ANKRD6: variants seen among roughly 807,000 people sequenced by gnomAD.
ANKRD6 encodes ankyrin repeat domain 6, also known as ankyrin repeat domain-containing protein 6.
Under a neutral mutation model 82.3 loss-of-function variants are expected in ANKRD6, and 56 were observed. The observed-to-expected ratio is 0.68, with a 90% confidence interval of 0.55 to 0.85. ANKRD6 has a LOEUF of 0.85. Among genes scored for constraint, ANKRD6 ranks in the 40% least tolerant of loss-of-function variants. ANKRD6 has a pLI of 0.00. For synonymous variants in ANKRD6, 347 were observed against 352.1 expected (o/e 0.99, Z 0.16); for missense variants, 852 against 907.6 (o/e 0.94, Z 0.79).
At chr6:89,471,036 C>A (rs1406440465) in intron 1 of ANKRD6, among the ~76,000 whole-genome samples, 1 of 151,908 alleles carries the variant, frequency 6.6e-6, no homozygotes, top group African/African-American at 2.4e-5. Flanking sequence ...TAAGTTAACG[C>A]CTGTGTGTGT....
intron 1 of ANKRD6, among the ~76,000 whole-genome samples, chr6:89,505,621 TAGAGTGTGGTTAC>T (rs939804547): frequency 2.0e-5 from 3 of 152,238 alleles, no homozygotes; most frequent in Non-Finnish European, 2.9e-5. Flanking sequence ...AGAGTGGCCC[TAGAGTGTGGTTAC>T]AGAAAACCCA....
intron 8 of ANKRD6, chr6:89,617,003 C>T (rs928786031): frequency 7.4e-5 from 35 of 476,004 alleles, no homozygotes; most frequent in African/African-American, 6.3e-4. Context: ...AAAATGGCCA[C>T]ATGGCCCTCA....
At chr6:89,603,600 G>T (rs373010548) in intron 4 of ANKRD6, among the ~76,000 whole-genome samples, 1 of 152,204 alleles carries the variant, frequency 6.6e-6, no homozygotes. Flanking sequence ...CCTGGGTCGG[G>T]GGGGTAAGGG....
At chr6:89,534,455 C>G (rs1218151701) in intron 1 of ANKRD6, among the ~76,000 whole-genome samples, 1 of 152,200 alleles carries the variant, frequency 6.6e-6, no homozygotes, top group East Asian at 1.9e-4. Flanking sequence ...TTGTGCCTCC[C>G]CTCCTAAGTG....
At chr6:89,609,224 C>T (rs999337476) in intron 5 of ANKRD6, among the ~76,000 whole-genome samples, 3 of 152,202 alleles carry the variant, frequency 2.0e-5, no homozygotes, top group Non-Finnish European at 4.4e-5. Flanking sequence ...GTGCCTGGCT[C>T]ACAGCTCAGG....
In ANKRD6 at chr6:89,623,423, C is replaced by G. The variant is rs1303580141; in HGVS notation, c.911C>G (p.Ala304Gly). Reference sequence around the variant, plus strand: ...TTCCTTCTGTAGGGCAGTGTCTCAGCAGGAGACACCCCCAGCAGTGAACAG... The same window carrying G: ...TTCCTTCTGTAGGGCAGTGTCTCAGGAGGAGACACCCCCAGCAGTGAACAG... ...EVAQSKGSVS[A>G]GDTPSSEQAV... Residue 304 changes from alanine to glycine, a missense_variant, in exon 11 of 16, where the codon GCA becomes GGA. Ala to Gly is a moderately conservative substitution (Grantham distance 60, BLOSUM62 0). Transcript: ENST00000339746. 11 of 1,612,424 alleles carry G rather than the reference C, an allele frequency of 6.8e-6. No homozygotes were observed. The African/African-American group carries it at 1.5e-4, about 22-fold the overall frequency.
chr6:89,453,082 A>G (rs1028480945), intron 1 of ANKRD6, among the ~76,000 whole-genome samples: 1 of 152,234 alleles, frequency 6.6e-6, no homozygotes. Flanking sequence ...GAACTTTGCC[A>G]GTCACCCCAG....
intron 3 of ANKRD6, chr6:89,598,181 CT>C (rs760150016): frequency 1.6e-5 from 16 of 985,206 alleles, no homozygotes; most frequent in Middle Eastern, 5.2e-4. Flanking sequence ...GAATTTCAAC[CT>C]GTGGAAACCA....
chr6:89,475,796 T>C (rs998227900), intron 1 of ANKRD6, among the ~76,000 whole-genome samples: 2 of 152,188 alleles, frequency 1.3e-5, no homozygotes, highest in African/African-American at 2.4e-5. Flanking sequence ...TACTGCCAGA[T>C]TGTCCTCCAG....
intron 1 of ANKRD6, among the ~76,000 whole-genome samples, chr6:89,555,812 T>C (rs769858805): frequency 1.3e-5 from 2 of 151,666 alleles, no homozygotes; most frequent in Non-Finnish European, 2.9e-5. Context: ...CTGGGGGAAA[T>C]ATGTGTCACT....
intron 1 of ANKRD6, among the ~76,000 whole-genome samples, chr6:89,563,340 C>T (rs1404189562): frequency 6.6e-6 from 1 of 152,148 alleles, no homozygotes. Context: ...AAATCCCTAT[C>T]TAGATTCAGA....
At chr6:89,463,372 C>A (rs561618932) in intron 1 of ANKRD6, among the ~76,000 whole-genome samples, 2 of 152,152 alleles carry the variant, frequency 1.3e-5, no homozygotes, top group East Asian at 3.9e-4. Context: ...TCTGGAATGT[C>A]ATTTAAAAAA....
rs1806733629 is a variant in ANKRD6, at chr6:89,629,235, A to G, written c.1609A>G (p.Thr537Ala). 10 of 1,613,746 alleles carry G rather than the reference A, an allele frequency of 6.2e-6. No individual in the cohort carries two copies. The highest frequency in any genetic ancestry group is 1.3e-5 in the African/African-American group (1 of 74,876). ...KSTPSTCESS[T>A]GVDQLVVTAG... ...CACACCATCTACTTGTGAGTCCTCT[A>G]CAGGTAACCCACACACAGAGAGCCC... is the stretch of plus-strand genomic sequence containing the variant. The change falls in exon 15 of 16, where the codon ACA becomes GCA. Residue 537 changes from threonine (T) to alanine (A), a missense_variant. Thr to Ala is a moderately conservative substitution (Grantham distance 58). Coordinates refer to ENST00000339746, the MANE Select transcript of ANKRD6 (RefSeq NM_001242809.2).
At chr6:89,630,058 A>G (rs183051390) in intron 15 of ANKRD6, among the ~76,000 whole-genome samples, 2 of 152,338 alleles carry the variant, frequency 1.3e-5, no homozygotes, top group East Asian at 3.9e-4. Flanking sequence ...TCATAGATAA[A>G]TGTCCAAATC....
At chr6:89,553,600 G>C (rs752005137) in intron 1 of ANKRD6, among the ~76,000 whole-genome samples, 18 of 152,264 alleles carry the variant, frequency 1.2e-4, no homozygotes, top group Non-Finnish European at 1.3e-4. Flanking sequence ...TCAAGCTTAT[G>C]GTGCAGAATT....
At chr6:89,604,568 C>T (rs1798057879) in intron 4 of ANKRD6, among the ~76,000 whole-genome samples, 1 of 151,760 alleles carries the variant, frequency 6.6e-6, no homozygotes, top group South Asian at 2.1e-4. Flanking sequence ...GAAAAGTGGA[C>T]AAATAAGTGT....
At chr6:89,598,528 A>G (rs1340783850) in intron 3 of ANKRD6, 1 of 506,456 alleles carries the variant, frequency 2.0e-6, no homozygotes, top group Non-Finnish European at 2.5e-6. Context: ...AGAGGCGCAC[A>G]CTGCACCCTT....
Position 89,623,548 on chromosome 6 carries a change from A to G in ANKRD6, c.1032+4A>G. On this transcript the variant is annotated splice_donor_region_variant and intron_variant, in intron 11 of 15. Transcript: ENST00000339746. The stretch of plus-strand genomic sequence containing the variant: ...GAGGAGAAAGTCAAGGCCCAAGGTC[A>G]GGAGACACAGAAAGCAGCCCAGAGG... The G allele has an allele frequency of 6.3e-7, 1 of 1,578,470 alleles. No homozygotes were observed. The highest frequency in any genetic ancestry group is 8.6e-7 in the Non-Finnish European group (1 of 1,162,028).
intron 13 of ANKRD6, among the ~76,000 whole-genome samples, chr6:89,626,876 T>C (rs1805860239): frequency 6.6e-6 from 1 of 152,258 alleles, no homozygotes; most frequent in Non-Finnish European, 1.5e-5. Flanking sequence ...GTACTTTAGC[T>C]ACTTCCAATG....
Sources: allele counts gnomAD v4.1 joint callset (sites outside exome capture counted in the v4.1 genomes callset), GRCh38; gene constraint gnomAD v4.1.1; transcripts MANE v1.5; gene names NCBI Gene and HGNC (gene_info 2026-07-23, HGNC 2026-07-21).